Variants in CPQ observed in about 807,000 individuals in gnomAD.
CPQ encodes carboxypeptidase Q, also known as Ser-Met dipeptidase.
In CPQ, 37 loss-of-function variants were observed where a neutral mutation model predicts 45.7. The observed-to-expected ratio is 0.81, with a 90% confidence interval of 0.62 to 1.07. The LOEUF is 1.07. Among genes scored for constraint, CPQ ranks in the 50% least tolerant of loss-of-function variants. The pLI is 0.00. For missense variants in CPQ, 537 were observed against 572.9 expected, an observed-to-expected ratio of 0.94 and a Z score of 0.64; for synonymous variants, 186 against 205.8, an observed-to-expected ratio of 0.90 and a Z score of 0.82.
chr8:96,878,006 A>G (rs1275978308), intron 3 of CPQ, among the ~76,000 whole-genome samples: 1 of 151,668 alleles, frequency 6.6e-6, no homozygotes, highest in African/African-American at 2.4e-5. Context: ...TCTGTCGCCC[A>G]GGCTGGAGTG....
intron 1 of CPQ, among the ~76,000 whole-genome samples, chr8:96,703,264 C>A (rs1368525431): frequency 6.6e-6 from 1 of 152,092 alleles, no homozygotes; most frequent in Non-Finnish European, 1.5e-5. Context: ...ATAAATATGT[C>A]TTGCCACCTA....
At chr8:96,988,682 G>A (rs922992301) in intron 5 of CPQ, among the ~76,000 whole-genome samples, 18 of 152,138 alleles carry the variant, frequency 1.2e-4, no homozygotes, top group African/African-American at 2.9e-4. Context: ...GACTTCGGTC[G>A]TTCTGCTTCT....
chr8:96,758,957 A>T (rs900076959), intron 1 of CPQ, among the ~76,000 whole-genome samples: 2 of 152,178 alleles, frequency 1.3e-5, no homozygotes, highest in African/African-American at 4.8e-5. Context: ...CAGCTTAATG[A>T]TGGGGATAGA....
intron 7 of CPQ, among the ~76,000 whole-genome samples, chr8:97,101,572 CTTTTT>C (rs5893410): frequency 4.4e-4 from 50 of 114,198 alleles, no homozygotes; most frequent in Non-Finnish European, 5.8e-4. Context: ...TTTCTTTTTT[CTTTTT>C]TTTTTTTTTT....
intron 7 of CPQ, among the ~76,000 whole-genome samples, chr8:97,074,252 C>T (rs1044207165): frequency 1.3e-5 from 2 of 152,080 alleles, no homozygotes; most frequent in African/African-American, 4.8e-5. Context: ...TTCATATACC[C>T]ACGACACCCA....
chr8:96,762,252 A>G (rs1312797338), intron 1 of CPQ, among the ~76,000 whole-genome samples: 2 of 152,150 alleles, frequency 1.3e-5, no homozygotes, highest in Non-Finnish European at 2.9e-5. Context: ...GGCACTGTGT[A>G]TGAGGTGTCC....
chr8:96,666,745 G>A (rs572798931), intron 1 of CPQ, among the ~76,000 whole-genome samples: 5 of 152,232 alleles, frequency 3.3e-5, no homozygotes, highest in South Asian at 4.2e-4. Flanking sequence ...AGCAGCTCTC[G>A]TACACCATGT....
chr8:96,984,192 T>C (rs1316063701), intron 5 of CPQ, among the ~76,000 whole-genome samples: 1 of 152,218 alleles, frequency 6.6e-6, no homozygotes, highest in Non-Finnish European at 1.5e-5. Flanking sequence ...TGCTTCAATA[T>C]ATCCCCTTCC....
At chr8:97,123,177 T>TAAAATAAAATAAAATAAAAA (rs1395817726) in intron 7 of CPQ, among the ~76,000 whole-genome samples, 1 of 23,730 alleles carries the variant, frequency 4.2e-5, no homozygotes, top group Non-Finnish European at 8.2e-5. Flanking sequence ...TAAAATAAAA[T>TAAAATAAAATAAAATAAAAA]ATAAAATAAA....
chr8:97,014,806 C>A (rs1313539641), intron 5 of CPQ, among the ~76,000 whole-genome samples: 4 of 151,978 alleles, frequency 2.6e-5, no homozygotes, highest in Non-Finnish European at 5.9e-5. Context: ...TAATTTTATA[C>A]ACAAGGAAAA....
chr8:97,119,856 C>A (rs1181059759), intron 7 of CPQ, among the ~76,000 whole-genome samples: 1 of 152,128 alleles, frequency 6.6e-6, no homozygotes, highest in Non-Finnish European at 1.5e-5. Context: ...TCAGATCATG[C>A]CAACATCTCT....
chr8:96,777,930 G>A (rs1284956192), intron 1 of CPQ, among the ~76,000 whole-genome samples: 4 of 150,272 alleles, frequency 2.7e-5, no homozygotes, highest in Non-Finnish European at 5.9e-5. Flanking sequence ...GGGTTTCACC[G>A]TGTTAGCCAG....
chr8:96,750,103 T>G (rs575562605), intron 1 of CPQ, among the ~76,000 whole-genome samples: 1 of 151,844 alleles, frequency 6.6e-6, no homozygotes, highest in Non-Finnish European at 1.5e-5. Context: ...AGATTATGAT[T>G]ATTTTTTGTA....
intron 6 of CPQ, among the ~76,000 whole-genome samples, chr8:97,060,160 A>C (rs1044680247): frequency 6.6e-6 from 1 of 152,182 alleles, no homozygotes; most frequent in Non-Finnish European, 1.5e-5. Flanking sequence ...TATGTTTCTG[A>C]AAAGTAGCCT....
chr8:97,125,082 C>T (rs549373525), intron 7 of CPQ, among the ~76,000 whole-genome samples: 5 of 152,178 alleles, frequency 3.3e-5, no homozygotes, highest in African/African-American at 4.8e-5. Context: ...ACTACACATA[C>T]GTCATTAAAA....
intron 1 of CPQ, among the ~76,000 whole-genome samples, chr8:96,779,060 C>A (rs1242777687): frequency 7.5e-6 from 1 of 134,122 alleles, no homozygotes; most frequent in Non-Finnish European, 1.5e-5. Flanking sequence ...AAAACTCCAT[C>A]TCCAAAAAAA....
chr8:96,734,571 C>T (rs1476097646), intron 1 of CPQ, among the ~76,000 whole-genome samples: 3 of 151,720 alleles, frequency 2.0e-5, no homozygotes, highest in African/African-American at 2.4e-5. Context: ...ATTAGCTGGG[C>T]GTGGTGGCAG....
chr8:96,709,345 A>G (rs748954444), intron 1 of CPQ, among the ~76,000 whole-genome samples: 12 of 152,042 alleles, frequency 7.9e-5, no homozygotes, highest in Non-Finnish European at 1.3e-4. Flanking sequence ...GAGATCATAC[A>G]GTATTTGGTT....
chr8:96,725,791 T>C (rs1445227655), intron 1 of CPQ, among the ~76,000 whole-genome samples: 1 of 152,216 alleles, frequency 6.6e-6, no homozygotes, highest in Non-Finnish European at 1.5e-5. Context: ...ACTCATATGT[T>C]TACCATAGCA....
Sources: gnomAD v4.1 joint callset for allele counts (sites outside exome capture counted in the v4.1 genomes callset) on GRCh38, gnomAD v4.1.1 for gene constraint, MANE v1.5 for transcripts, NCBI Gene and HGNC (gene_info 2026-07-23, HGNC 2026-07-21) for gene names.